The following HNF4A variants were observed in gnomAD, a reference collection of about 807,000 sequenced individuals.
The protein encoded by HNF4A is hepatocyte nuclear factor 4-alpha.
A neutral mutation model predicts 52.4 loss-of-function variants in HNF4A; 15 were observed. That is an observed-to-expected ratio of 0.29 (90% CI 0.19 to 0.44). The LOEUF (loss-of-function observed/expected upper bound fraction) is 0.44, where lower values mean the gene tolerates loss of function less well. Among genes scored for constraint, HNF4A ranks in the 20% least tolerant of loss-of-function variants. HNF4A has a pLI of 1.00. For missense variants in HNF4A, 479 were observed against 647.2 expected, an observed-to-expected ratio of 0.74 and a Z score of 2.82; for synonymous variants, 280 against 264.4, an observed-to-expected ratio of 1.06 and a Z score of -0.57.
chr20:44,420,472 A>G (rs962514310), intron 7 of HNF4A, among the ~76,000 whole-genome samples: 8 of 151,596 alleles, frequency 5.3e-5, no homozygotes, highest in Middle Eastern at 3.2e-3. Flanking sequence ...CTTTTCCTCA[A>G]AAAAATTTAT....
At chr20:44,372,232 T>A (rs1162076842) in intron 1 of HNF4A, among the ~76,000 whole-genome samples, 1 of 152,268 alleles carries the variant, frequency 6.6e-6, no homozygotes, top group Non-Finnish European at 1.5e-5. Flanking sequence ...ATTATGTCTG[T>A]GGCTCACATT....
intron 1 of HNF4A, among the ~76,000 whole-genome samples, chr20:44,381,387 TCTC>T (rs1331536512): frequency 6.6e-6 from 1 of 151,362 alleles, no homozygotes; most frequent in Non-Finnish European, 1.5e-5. Flanking sequence ...TTCAAATGAT[TCTC>T]CTGTCTCACT....
chr20:44,423,249 G>C (rs1380625284), intron 7 of HNF4A, among the ~76,000 whole-genome samples: 1 of 152,160 alleles, frequency 6.6e-6, no homozygotes, highest in Non-Finnish European at 1.5e-5. Flanking sequence ...CCAGGAGGCA[G>C]AGGTTGCGGT....
intron 1 of HNF4A, among the ~76,000 whole-genome samples, chr20:44,368,086 ATGTGTGTGTGTG>A (rs544910153): frequency 9.8e-6 from 1 of 102,208 alleles, no homozygotes; most frequent in Admixed American, 1.2e-4. Flanking sequence ...ATATATATAT[ATGTGTGTGTGTG>A]TGTGTGTGTG....
chr20:44,414,715 G>A lies in HNF4A; in HGVS notation c.648+53G>A, dbSNP rs2063638682. 24 of 1,540,174 alleles carry A rather than the reference G, an allele frequency of 1.6e-5. No homozygotes were observed. In the South Asian group the frequency reaches 2.8e-4, roughly 18 times the overall value. On this transcript the variant is annotated intron_variant, in intron 5 of 9. Transcript: ENST00000316099. The stretch of plus-strand genomic sequence containing the variant: ...TAGTGGGCAGTGGGCGGGGCAGCCA[G>A]GGGGCTGCTGGCCCACCTGGGATAT...
At position 44,418,431 on chromosome 20, in the gene HNF4A, C is replaced by A. The variant is rs1775879070; in HGVS notation, c.655C>A (p.Leu219Met). ...TGTTCCTTCTCTCTTTCAGGTGGCC[C>A]TGCTCAGAGCCCATGCTGGCGAGCA... The change falls in exon 6 of 10, where the codon CTG (leucine) becomes ATG (methionine). Residue 219 changes from leucine (L) to methionine (M), a missense_variant. By Grantham distance (15) the Leu-to-Met change is conservative (BLOSUM62 2). Coordinates refer to ENST00000316099, the MANE Select transcript of HNF4A (RefSeq NM_000457.6). 5.0e-6 allele frequency: 8 copies of A among 1,613,910 alleles called. No individual in the cohort carries two copies. The highest frequency in any genetic ancestry group is 6.8e-6 in the Non-Finnish European group (8 of 1,179,846).
intron 5 of HNF4A, 51 bp from the exon 6 acceptor site, chr20:44,418,374 G>T (rs2063695673): frequency 6.7e-7 from 1 of 1,495,224 alleles, no homozygotes; most frequent in Non-Finnish European, 9.3e-7. Flanking sequence ...TTGGCTACGG[G>T]CAGCCTTCCC....
intron 1 of HNF4A, among the ~76,000 whole-genome samples, chr20:44,363,018 TA>T (rs1397881448): frequency 1.4e-5 from 2 of 145,168 alleles, no homozygotes; most frequent in Non-Finnish European, 3.1e-5. Context: ...CATGCCTGGC[TA>T]ATTTTTTTTT....
chr20:44,366,325 A>C (rs568133683), intron 1 of HNF4A, among the ~76,000 whole-genome samples: 156 of 152,224 alleles, frequency 1.0e-3, no homozygotes, highest in African/African-American at 3.6e-3. Flanking sequence ...CCTAATTCTC[A>C]AAATGTCCCT....
At position 44,401,796 on chromosome 20, in the gene HNF4A, T is replaced by C. The variant is rs995010217; in HGVS notation, c.115+309T>C. Among the ~76,000 whole-genome samples the C allele has an allele frequency of 2.6e-5, 4 of 152,254 alleles. No individual in the cohort carries two copies. In the East Asian group the frequency reaches 5.8e-4, roughly 22 times the overall value. On this transcript the variant is annotated intron_variant, in intron 1 of 9. Coordinates refer to ENST00000316099, the MANE Select transcript of HNF4A (RefSeq NM_000457.6). Reference sequence around the variant, plus strand: ...CTGCTTGGCGCTTGGCACAGTGACGTGATGGTGAGCTCCCCCTTGGTGCCC... The same window carrying C: ...CTGCTTGGCGCTTGGCACAGTGACGCGATGGTGAGCTCCCCCTTGGTGCCC...
At chr20:44,391,373 C>T (rs2063299969) in intron 1 of HNF4A, 1 of 152,520 alleles carries the variant, frequency 6.6e-6, no homozygotes, top group South Asian at 2.1e-4. Context: ...TTCTACACTT[C>T]ATCCTCTCTT....
intron 1 of HNF4A, chr20:44,390,443 A>T: frequency 1.8e-6 from 1 of 563,552 alleles, no homozygotes; most frequent in South Asian, 2.2e-5. Flanking sequence ...AATTCCTTGC[A>T]TGGATCCTGG....
rs149468359 is a variant in HNF4A, at chr20:44,417,126, G to A, written c.649-1299G>A. ...GGCATTTAGGATTTGATAACTGAAA[G>A]AATGAACAATCAAATTAATGAACAA... On this transcript the variant is annotated intron_variant, in intron 5 of 9. Coordinates refer to ENST00000316099, the MANE Select transcript of HNF4A (RefSeq NM_000457.6). 6.4e-4 allele frequency among the ~76,000 whole-genome samples: 96 copies of A among 150,890 alleles called. 1 individual carries two copies. In the Middle Eastern group the frequency reaches 0.01, roughly 16 times the overall value.
At position 44,429,576 on chromosome 20, in the gene HNF4A, T is replaced by G. The variant is rs1025249006; in HGVS notation, c.1336T>G (p.Tyr446Asp). 2 of 1,613,976 alleles carry G rather than the reference T, an allele frequency of 1.2e-6. No individual in the cohort carries two copies. Among genetic ancestry groups the G allele is most frequent in the African/African-American group, 2.7e-5 (2 of 74,988 alleles). ...GCCAGGTGGCTCAGGGTCTGAGCCC[T>G]ATAAGCTCCTGCCGGGAGCCGTCGC... Residue 446 changes from tyrosine (Y) to aspartate (D), a missense_variant, in exon 10 of 10, where the codon TAT becomes GAT. Tyr to Asp is a radical substitution (Grantham distance 160). Coordinates refer to ENST00000316099, the MANE Select transcript of HNF4A (RefSeq NM_000457.6).
intron 1 of HNF4A, among the ~76,000 whole-genome samples, chr20:44,366,256 ATGT>A (rs2146182310): frequency 6.6e-6 from 1 of 152,292 alleles, no homozygotes; most frequent in South Asian, 2.1e-4. Context: ...TTTGTGCTTG[ATGT>A]TGTGATAATA....
chr20:44,389,216 C>T (rs946713109), intron 1 of HNF4A, among the ~76,000 whole-genome samples: 1 of 152,212 alleles, frequency 6.6e-6, no homozygotes, highest in African/African-American at 2.4e-5. Context: ...GCTATCACAT[C>T]GCGCTGTGCG....
intron 1 of HNF4A, among the ~76,000 whole-genome samples, chr20:44,360,872 A>G (rs775700501): frequency 1.3e-5 from 2 of 152,144 alleles, no homozygotes; most frequent in Non-Finnish European, 2.9e-5. Flanking sequence ...TCTGGTCCTC[A>G]GTTTCTTCAC....
intron 8 of HNF4A, among the ~76,000 whole-genome samples, chr20:44,427,860 C>T (rs904722057): frequency 7.2e-5 from 11 of 152,066 alleles, no homozygotes; most frequent in African/African-American, 2.7e-4. Context: ...GAAGCAACAA[C>T]GTGAGCAGAA....
intron 1 of HNF4A, among the ~76,000 whole-genome samples, chr20:44,381,603 G>A (rs2063154768): frequency 6.6e-6 from 1 of 151,848 alleles, no homozygotes; most frequent in Non-Finnish European, 1.5e-5. Flanking sequence ...CTTTTCCAAA[G>A]GAAAGTACTT....
Sources: allele counts gnomAD v4.1 joint callset (sites outside exome capture counted in the v4.1 genomes callset), GRCh38; gene constraint gnomAD v4.1.1; transcripts MANE v1.5; gene names NCBI Gene and HGNC (gene_info 2026-07-23, HGNC 2026-07-21).